Variants in ZNF398 observed in about 807,000 individuals in gnomAD.
The protein encoded by ZNF398 is zinc finger protein 398.
ZNF398 carries 18 observed loss-of-function variants against 41.9 expected under a neutral mutation model. The ratio of observed to expected loss-of-function variants is 0.43; its 90% CI spans 0.30 to 0.64. ZNF398 has a LOEUF of 0.64. Ranked by LOEUF, ZNF398 falls within the 30% of genes least tolerant of loss-of-function variation. ZNF398 has a pLI of 0.14. For synonymous variants in ZNF398, 260 were observed against 308.8 expected, an observed-to-expected ratio of 0.84 and a Z score of 1.66; for missense variants, 669 against 822.8, an observed-to-expected ratio of 0.81 and a Z score of 2.29.
chr7:149,132,299 A>AT, intron 2 of ZNF398, among the ~76,000 whole-genome samples: 1 of 149,028 alleles, frequency 6.7e-6, no homozygotes, highest in South Asian at 2.1e-4. Flanking sequence ...GGTTCAACTG[A>AT]TTCTCCTGCC....
At chr7:149,166,081 A>C in intron 2 of ZNF398, 77 bp from the exon 3 acceptor site, 1 of 1,467,590 alleles carries the variant, frequency 6.8e-7, no homozygotes, top group Non-Finnish European at 9.2e-7. Context: ...AAAAAATAAA[A>C]GGAACTAATT....
chr7:149,145,857 A>G (rs1441604706), upstream of ZNF398, among the ~76,000 whole-genome samples: 2 of 150,950 alleles, frequency 1.3e-5, no homozygotes, highest in African/African-American at 4.9e-5. Flanking sequence ...TGCTATGTGC[A>G]TTGGGCAAGG....
At chr7:149,140,370 A>T (rs1374132381) in intron 2 of ZNF398, among the ~76,000 whole-genome samples, 1 of 152,138 alleles carries the variant, frequency 6.6e-6, no homozygotes, top group African/African-American at 2.4e-5. Flanking sequence ...GCACAGTTGC[A>T]TTCATAACAG....
chr7:149,147,602 C>A lies in ZNF398; in HGVS notation c.-141C>A. 1 of 961,758 alleles carries A rather than the reference C, an allele frequency of 1.0e-6. No homozygotes were observed. Among genetic ancestry groups the A allele is most frequent in the South Asian group, 5.1e-5 (1 of 19,718 alleles). 59.6% of individuals were successfully genotyped at this position (961,758 alleles called of 1,614,324 possible). Reference sequence around the variant, plus strand: ...CCCGAGCCCCGACGGCCGCGTGAGTCCCGTCCGTGCGGGGAAGGCAGGGCC... The same window carrying A: ...CCCGAGCCCCGACGGCCGCGTGAGTACCGTCCGTGCGGGGAAGGCAGGGCC... On this transcript the variant is annotated 5_prime_UTR_variant, in exon 1 of 6. Transcript: ENST00000475153. The surrounding 1 kb of genome is among the most constrained non-coding windows in gnomAD (Gnocchi z 5.6).
In ZNF398 at chr7:149,147,520, C is replaced by A. The variant is rs1826979296; in HGVS notation, c.-223C>A. On this transcript the variant is annotated 5_prime_UTR_variant, in exon 1 of 6. Coordinates refer to ENST00000475153, the MANE Select transcript of ZNF398 (RefSeq NM_170686.3). The surrounding 1 kb of genome is among the most constrained non-coding windows in gnomAD (Gnocchi z 5.6). ...GTGGAGTGCGGCGGAGTCGGCCTCG[C>A]GACCCCAGCTTGATCCGCCGCCTGC... 5.6e-6 allele frequency: 2 copies of A among 354,956 alleles called. No homozygotes were observed. Among genetic ancestry groups the A allele is most frequent in the Middle Eastern group, 8.2e-4 (1 of 1,222 alleles). The allele number at this position is 354,956 out of a possible 1,614,324, so 22.0% of individuals were successfully genotyped here. A position where few individuals can be genotyped will look rare whatever the true frequency, so the allele number is the denominator to read the frequency against.
At chr7:149,127,695 C>T (rs1826515734) in intron 1 of ZNF398, among the ~76,000 whole-genome samples, 1 of 151,740 alleles carries the variant, frequency 6.6e-6, no homozygotes, top group Admixed American at 6.6e-5. Context: ...CCAGCCTGGG[C>T]GACAGAGGGA....
intron 2 of ZNF398, among the ~76,000 whole-genome samples, chr7:149,159,220 G>A (rs967110621): frequency 1.6e-4 from 25 of 151,948 alleles, no homozygotes; most frequent in African/African-American, 6.0e-4. Context: ...GGGATTACAG[G>A]TGTGAGCCAC....
chr7:149,155,734 T>TTTTTTTTTTTTTATTA (rs1794962115), intron 2 of ZNF398, among the ~76,000 whole-genome samples: 2 of 110,638 alleles, frequency 1.8e-5, no homozygotes, highest in Non-Finnish European at 1.7e-5. Context: ...TTTTTTAATT[T>TTTTTTTTTTTTTATTA]TTTTTTTTTT....
rs554656376 is a variant in ZNF398, at chr7:149,169,986, T to TA, written c.661+3057dup. ...CCAGAGTCCTCTCCCAGTGGAGTCT[T>TA]ATAGGATATGCTTAATTGTTCCAGT... On this transcript the variant is annotated intron_variant, in intron 4 of 5. Transcript: ENST00000475153. Among the ~76,000 whole-genome samples the TA allele has an allele frequency of 9.8e-3, 1,487 of 152,256 alleles. 14 individuals carry two copies. The highest frequency in any genetic ancestry group is 0.015 in the Non-Finnish European group (1,013 of 68,000).
intron 1 of ZNF398, among the ~76,000 whole-genome samples, chr7:149,150,533 A>C (rs1229165616): frequency 6.6e-6 from 1 of 152,096 alleles, no homozygotes; most frequent in Non-Finnish European, 1.5e-5. Flanking sequence ...CATGAGATGG[A>C]GGTTGCGGTA....
At chr7:149,148,447 C>T (rs1827018445) in intron 1 of ZNF398, 2 of 985,476 alleles carry the variant, frequency 2.0e-6, no homozygotes, top group Non-Finnish European at 2.4e-6. Context: ...GGTCAGGCCG[C>T]GGGGAAAGCA....
intron 2 of ZNF398, among the ~76,000 whole-genome samples, chr7:149,129,540 C>A (rs2129519059): frequency 6.6e-6 from 1 of 151,800 alleles, no homozygotes; most frequent in African/African-American, 2.4e-5. Flanking sequence ...CCACCACACC[C>A]AGGTAATTTT....
intron 1 of ZNF398, among the ~76,000 whole-genome samples, chr7:149,151,937 A>G (rs181704754): frequency 3.9e-5 from 6 of 152,198 alleles, no homozygotes; most frequent in Admixed American, 6.5e-5. Flanking sequence ...TTAAAATCAT[A>G]TATAAAATAA....
intron 2 of ZNF398, among the ~76,000 whole-genome samples, chr7:149,165,224 A>G (rs192949027): frequency 1.4e-4 from 21 of 152,364 alleles, no homozygotes; most frequent in Non-Finnish European, 2.4e-4. Flanking sequence ...GAATGCTGAA[A>G]GAAACGATGG....
chr7:149,127,823 A>G (rs575535428), intron 1 of ZNF398, among the ~76,000 whole-genome samples: 1 of 152,060 alleles, frequency 6.6e-6, no homozygotes, highest in African/African-American at 2.4e-5. Context: ...TGTAACCAGG[A>G]TACGGAAGAG....
At chr7:149,132,194 CTTTTT>C (rs35611997) in intron 2 of ZNF398, among the ~76,000 whole-genome samples, 1 of 113,382 alleles carries the variant, frequency 8.8e-6, no homozygotes. Flanking sequence ...TTCTCTCTCT[CTTTTT>C]TTTTTTTTTT....
chr7:149,153,637 T>C (rs1226194401), intron 1 of ZNF398, among the ~76,000 whole-genome samples: 1 of 152,178 alleles, frequency 6.6e-6, no homozygotes, highest in Non-Finnish European at 1.5e-5. Flanking sequence ...ACATTTGCCT[T>C]TTCCAGAGAT....
At chr7:149,127,640 C>T (rs1350049419) in intron 1 of ZNF398, among the ~76,000 whole-genome samples, 2 of 151,516 alleles carry the variant, frequency 1.3e-5, no homozygotes, top group Admixed American at 6.6e-5. Flanking sequence ...TGGCGTGAAC[C>T]CGGGAGGCGG....
intron 4 of ZNF398, among the ~76,000 whole-genome samples, chr7:149,175,576 A>T (rs987748372): frequency 1.3e-5 from 2 of 152,224 alleles, no homozygotes; most frequent in Non-Finnish European, 2.9e-5. Context: ...AATATATCTC[A>T]TAGAAAGAGC....
Sources: allele counts gnomAD v4.1 joint callset (sites outside exome capture counted in the v4.1 genomes callset), GRCh38; gene constraint gnomAD v4.1.1; non-coding constraint Gnocchi (gnomAD v3.1); transcripts MANE v1.5; gene names NCBI Gene and HGNC (gene_info 2026-07-23, HGNC 2026-07-21).